The following PDE10A variants were observed in gnomAD, a reference collection of about 807,000 sequenced individuals.
The protein encoded by PDE10A is cAMP and cAMP-inhibited cGMP 3',5'-cyclic phosphodiesterase 10A.
PDE10A carries 39 observed loss-of-function variants against 97.7 expected under a neutral mutation model. That is an observed-to-expected ratio of 0.40 (90% confidence interval 0.31 to 0.52). The LOEUF (loss-of-function observed/expected upper bound fraction) is 0.52, where lower values mean the gene tolerates loss of function less well. Ranked by LOEUF, PDE10A falls within the 20% of genes least tolerant of loss-of-function variation. The pLI is 0.56. For synonymous variants in PDE10A, 371 were observed against 376.8 expected (o/e 0.98, Z 0.18); for missense variants, 731 against 1,047.8 (o/e 0.70, Z 4.17).
chr6:165,527,175 C>T (rs1365273644), intron 2 of PDE10A, among the ~76,000 whole-genome samples: 1 of 152,148 alleles, frequency 6.6e-6, no homozygotes, highest in African/African-American at 2.4e-5. Flanking sequence ...GCATTTGGCC[C>T]CTCCTACAAC....
chr6:165,725,183 A>G (rs4709973), intron 1 of PDE10A, among the ~76,000 whole-genome samples: 105,087 of 152,096 alleles, frequency 0.69, 37,724 homozygotes, highest in African/African-American at 0.89. Context: ...ATAAAACCTC[A>G]CACTCATTCT....
intron 1 of PDE10A, among the ~76,000 whole-genome samples, chr6:165,605,794 A>C (rs555710949): frequency 4.9e-4 from 75 of 152,278 alleles, no homozygotes; most frequent in African/African-American, 1.7e-3. Context: ...CCATTTTTGG[A>C]ATAGAAGTCA....
intron 18 of PDE10A, among the ~76,000 whole-genome samples, chr6:165,366,634 G>GA (rs1229460421): frequency 6.6e-6 from 1 of 152,130 alleles, no homozygotes; most frequent in Non-Finnish European, 1.5e-5. Context: ...CAGCCCAAAA[G>GA]AAAGTCAGGG....
intron 3 of PDE10A, among the ~76,000 whole-genome samples, chr6:165,471,146 G>A (rs978493386): frequency 2.6e-5 from 4 of 152,014 alleles, no homozygotes; most frequent in Admixed American, 2.6e-4. Context: ...CTTTCCCTTA[G>A]AACTCCAGCA....
intron 1 of PDE10A, among the ~76,000 whole-genome samples, chr6:165,908,557 G>A (rs1045948758): frequency 2.0e-5 from 3 of 152,148 alleles, no homozygotes; most frequent in East Asian, 1.9e-4. Flanking sequence ...TTGAATGCAC[G>A]GGCTGCATGC....
intron 18 of PDE10A, among the ~76,000 whole-genome samples, chr6:165,347,737 C>T (rs1191248161): frequency 6.6e-6 from 1 of 152,182 alleles, no homozygotes; most frequent in Non-Finnish European, 1.5e-5. Flanking sequence ...AGACATCAAA[C>T]ATTCCTGGCA....
chr6:165,726,396 A>T (rs1185427221), intron 1 of PDE10A, among the ~76,000 whole-genome samples: 1 of 152,242 alleles, frequency 6.6e-6, no homozygotes, highest in Non-Finnish European at 1.5e-5. Context: ...CAACATTTAT[A>T]TAAATAGCTT....
At chr6:165,982,872 G>T (rs995499629) in intron 1 of PDE10A, among the ~76,000 whole-genome samples, 1 of 151,978 alleles carries the variant, frequency 6.6e-6, no homozygotes, top group South Asian at 2.1e-4. Context: ...AAGAAAAGAA[G>T]AAACAAAACA....
intron 1 of PDE10A, chr6:165,660,471 AC>A (rs1790187761): frequency 6.6e-6 from 1 of 152,364 alleles, no homozygotes; most frequent in Non-Finnish European, 1.5e-5. Flanking sequence ...GCACGGGTGT[AC>A]GAGAGGCCGC....
At chr6:165,346,157 A>G (rs1388174511) in intron 18 of PDE10A, among the ~76,000 whole-genome samples, 1 of 152,166 alleles carries the variant, frequency 6.6e-6, no homozygotes, top group African/African-American at 2.4e-5. Context: ...TGATACAGGT[A>G]TTAAAGAGGA....
chr6:165,418,812 G>A lies in PDE10A; in HGVS notation c.1654-35C>T, dbSNP rs746151523. 8.2e-6 allele frequency: 13 copies of A among 1,583,044 alleles called. No individual in the cohort carries two copies. The South Asian group carries it at 1.1e-4, about 14-fold the overall frequency. On this transcript the variant is annotated intron_variant, in intron 10 of 21. Coordinates refer to ENST00000539869, the MANE Select transcript of PDE10A (RefSeq NM_001385079.1). This position sits in a 1 kb window ranked among gnomAD's most constrained non-coding sequence, Gnocchi z 4.8. ...AATGACAAAATAAGAGGAAGACAAT[G>A]AGACATTCAAAGAACTTGCAGGTAA...
chr6:165,395,096 A>G, intron 15 of PDE10A, 85 bp downstream of exon 15: 1 of 747,314 alleles, frequency 1.3e-6, no homozygotes, highest in Non-Finnish European at 2.3e-6. Context: ...TTACAAACAA[A>G]GATCGTGGTG....
chr6:165,825,444 T>A (rs1373313407), intron 1 of PDE10A, among the ~76,000 whole-genome samples: 1 of 152,116 alleles, frequency 6.6e-6, no homozygotes, highest in East Asian at 1.9e-4. Flanking sequence ...AAACTCCAAT[T>A]TAGATCCCTG....
intron 1 of PDE10A, among the ~76,000 whole-genome samples, chr6:165,612,709 T>C (rs1319910009): frequency 6.6e-6 from 1 of 152,166 alleles, no homozygotes; most frequent in Admixed American, 6.5e-5. Flanking sequence ...AATTAAAGTA[T>C]ACTTCAAGAA....
chr6:165,532,175 C>T (rs1782817656), intron 2 of PDE10A, among the ~76,000 whole-genome samples: 1 of 152,020 alleles, frequency 6.6e-6, no homozygotes, highest in Non-Finnish European at 1.5e-5. Flanking sequence ...CCTCCCGTCT[C>T]GGGGCTCTGG....
chr6:165,740,992 T>G (rs190275092), intron 1 of PDE10A, among the ~76,000 whole-genome samples: 2 of 152,226 alleles, frequency 1.3e-5, no homozygotes. Flanking sequence ...ATATCAATAA[T>G]ACTAATAATT....
intron 1 of PDE10A, among the ~76,000 whole-genome samples, chr6:165,612,362 G>A (rs1259704047): frequency 1.3e-5 from 2 of 151,040 alleles, no homozygotes; most frequent in Non-Finnish European, 2.9e-5. Context: ...AAAATGATGT[G>A]AGAAATAAAC....
intron 1 of PDE10A, among the ~76,000 whole-genome samples, chr6:165,560,489 A>G (rs1354237571): frequency 6.6e-6 from 1 of 152,252 alleles, no homozygotes; most frequent in East Asian, 1.9e-4. Context: ...ATAGTTACAC[A>G]GGGTCTACAG....
chr6:165,893,057 T>C lies in PDE10A; in HGVS notation c.-615+94472A>G, dbSNP rs139902019. Among the ~76,000 whole-genome samples the C allele has an allele frequency of 1.9e-3, 293 of 152,340 alleles. 2 individuals are homozygous for C. Among genetic ancestry groups the C allele is most frequent in the African/African-American group, 6.7e-3 (278 of 41,582 alleles). ...GCTTTTATGGGGTGGAATAGACAGA[T>C]GCATGAAAGGAGTTGATGTTTTCAT... On this transcript the variant is annotated intron_variant, in intron 1 of 19. Coordinates refer to the PDE10A transcript ENST00000366882.
Sources: allele counts gnomAD v4.1 joint callset (sites outside exome capture counted in the v4.1 genomes callset), GRCh38; gene constraint gnomAD v4.1.1; non-coding constraint Gnocchi (gnomAD v3.1); transcripts MANE v1.5; gene names NCBI Gene and HGNC (gene_info 2026-07-23, HGNC 2026-07-21).